The following VPS41 variants were observed in gnomAD, a reference collection of about 807,000 sequenced individuals.
The protein encoded by VPS41 is VPS41 subunit of HOPS complex.
VPS41 carries 85 observed loss-of-function variants against 130.9 expected under a neutral mutation model. That is an observed-to-expected ratio of 0.65 (90% CI 0.55 to 0.78). The LOEUF is 0.78. Among genes scored for constraint, VPS41 ranks in the 30% least tolerant of loss-of-function variants. VPS41 has a pLI of 0.00. For missense variants in VPS41, 874 were observed against 1,018.7 expected (o/e 0.86, Z 1.93); for synonymous variants, 335 against 332.9 (o/e 1.01, Z -0.07).
At position 38,724,604 on chromosome 7, in the gene VPS41, C is replaced by CTTTTTTTTTT. The variant is rs368369559; in HGVS notation, c.*1641_*1642insAAAAAAAAAA. ...CCTATGATTTCTTTTCTTTTCTTTT[C>CTTTTTTTTTT]TTTTTTGAGACGGAGTTTTGCTCTT... On this transcript the variant is annotated 3_prime_UTR_variant, in exon 29 of 29. Coordinates refer to ENST00000310301, the MANE Select transcript of VPS41 (RefSeq NM_014396.4). 6 of 148,462 alleles carry CTTTTTTTTTT rather than the reference C, an allele frequency of 4.0e-5. No individual in the cohort carries two copies. The highest frequency in any genetic ancestry group is 2.2e-4 in the South Asian group (1 of 4,518). The allele number at this position is 148,462 out of a possible 1,614,324, so 9.2% of individuals were successfully genotyped here.
At chr7:38,903,917 C>T (rs2116459487) in intron 1 of VPS41, among the ~76,000 whole-genome samples, 1 of 152,146 alleles carries the variant, frequency 6.6e-6, no homozygotes, top group East Asian at 1.9e-4. Flanking sequence ...TGACGTGTGC[C>T]CCAGCGTGGA....
intron 10 of VPS41, among the ~76,000 whole-genome samples, chr7:38,783,157 T>A (rs1784383724): frequency 6.6e-6 from 1 of 151,968 alleles, no homozygotes; most frequent in South Asian, 2.1e-4. Context: ...TAACTGAGTA[T>A]CAATTACACG....
At chr7:38,825,171 C>T (rs1785246294) in intron 5 of VPS41, among the ~76,000 whole-genome samples, 1 of 152,172 alleles carries the variant, frequency 6.6e-6, no homozygotes, top group Non-Finnish European at 1.5e-5. Flanking sequence ...GGAGTAACTG[C>T]TGAAGGTGGC....
chr7:38,804,444 C>T (rs1264208968), intron 7 of VPS41, among the ~76,000 whole-genome samples: 3 of 152,098 alleles, frequency 2.0e-5, no homozygotes, highest in East Asian at 1.9e-4. Flanking sequence ...TTTGGTTTTC[C>T]GTTCCTGCAT....
chr7:38,729,142 G>T (rs914273175), intron 25 of VPS41, among the ~76,000 whole-genome samples: 4 of 152,086 alleles, frequency 2.6e-5, no homozygotes, highest in African/African-American at 9.7e-5. Context: ...GATCCTCTTG[G>T]GCAGACTTTG....
At chr7:38,734,524 T>C (rs1014092933) in intron 25 of VPS41, among the ~76,000 whole-genome samples, 1 of 152,214 alleles carries the variant, frequency 6.6e-6, no homozygotes, top group South Asian at 2.1e-4. Context: ...ACATGAGAAC[T>C]TAGATTTGCC....
Position 38,763,466 on chromosome 7 carries a change from T to A in VPS41, c.1411A>T (p.Ser471Cys). The A allele has an allele frequency of 6.2e-7, 1 of 1,601,092 alleles. No homozygotes were observed. Among genetic ancestry groups the A allele is most frequent in the Admixed American group, 1.7e-5 (1 of 57,384 alleles). ...TCAGAACACCATACCTCATAATCAC[T>A]CTCCAAAAATTCATGTAAGATCATT... ...YEMILHEFLE[S>C]DYEGFATLIR... The change falls in exon 17 of 29, where the codon AGT becomes TGT. Residue 471 changes from serine (S) to cysteine (C), a missense_variant. Transcript: ENST00000310301.
intron 2 of VPS41, among the ~76,000 whole-genome samples, chr7:38,872,375 C>T (rs1008247363): frequency 6.6e-6 from 1 of 152,110 alleles, no homozygotes; most frequent in African/African-American, 2.4e-5. Context: ...TTCAGTCATA[C>T]GGGTCAGTCA....
At chr7:38,778,942 TTCC>T (rs1356904625) in intron 10 of VPS41, among the ~76,000 whole-genome samples, 1 of 152,142 alleles carries the variant, frequency 6.6e-6, no homozygotes, top group African/African-American at 2.4e-5. Context: ...ACCCAAATCT[TTCC>T]TCCTCTACAT....
intron 2 of VPS41, among the ~76,000 whole-genome samples, chr7:38,878,222 AT>A (rs1786530852): frequency 6.6e-6 from 1 of 152,204 alleles, no homozygotes; most frequent in South Asian, 2.1e-4. Flanking sequence ...AGAAAAAAAA[AT>A]AGTAAGTCCA....
chr7:38,894,889 C>A (rs577142303), intron 2 of VPS41, among the ~76,000 whole-genome samples: 1 of 152,348 alleles, frequency 6.6e-6, no homozygotes, highest in East Asian at 1.9e-4. Context: ...AATCAAGCCA[C>A]ATTTGGGTCT....
chr7:38,890,299 A>T (rs1786832605), intron 2 of VPS41, among the ~76,000 whole-genome samples: 1 of 152,228 alleles, frequency 6.6e-6, no homozygotes, highest in Non-Finnish European at 1.5e-5. Context: ...TACGCTCTAT[A>T]TGGTTCTATG....
chr7:38,747,969 G>C (rs890133962), intron 22 of VPS41, among the ~76,000 whole-genome samples: 1 of 152,220 alleles, frequency 6.6e-6, no homozygotes, highest in East Asian at 1.9e-4. Flanking sequence ...CAAGTTCAAA[G>C]ATAATTTGAG....
intron 2 of VPS41, among the ~76,000 whole-genome samples, chr7:38,876,118 T>A (rs1170167061): frequency 6.6e-6 from 1 of 152,136 alleles, no homozygotes; most frequent in Non-Finnish European, 1.5e-5. Flanking sequence ...GCTACTGACA[T>A]CTAGCAGGTA....
At chr7:38,822,361 C>T (rs1785188492) in intron 5 of VPS41, among the ~76,000 whole-genome samples, 1 of 152,212 alleles carries the variant, frequency 6.6e-6, no homozygotes, top group Non-Finnish European at 1.5e-5. Flanking sequence ...CAACTAATCA[C>T]TACCCTCAAA....
chr7:38,741,534 C>G (rs1460359279), intron 25 of VPS41, among the ~76,000 whole-genome samples: 1 of 152,140 alleles, frequency 6.6e-6, no homozygotes, highest in African/African-American at 2.4e-5. Flanking sequence ...TTTCAGGCAA[C>G]AGACTACTGA....
chr7:38,832,148 A>G (rs1044421691), intron 4 of VPS41, among the ~76,000 whole-genome samples: 4 of 151,728 alleles, frequency 2.6e-5, no homozygotes, highest in Non-Finnish European at 5.9e-5. Context: ...ATTTTTTTCT[A>G]TTAACATGTT....
intron 6 of VPS41, among the ~76,000 whole-genome samples, chr7:38,820,585 T>C (rs1785150839): frequency 6.6e-6 from 1 of 152,240 alleles, no homozygotes; most frequent in South Asian, 2.1e-4. Flanking sequence ...TAGTAATTTC[T>C]AGTTATCTAC....
At chr7:38,870,630 C>T (rs10279181) in intron 2 of VPS41, among the ~76,000 whole-genome samples, 38,969 of 149,710 alleles carry the variant, frequency 0.26, 6,402 homozygotes, top group Non-Finnish European at 0.38. Context: ...TGCCATAAGA[C>T]GGGACCAAAT....
Sources: allele counts gnomAD v4.1 joint callset (sites outside exome capture counted in the v4.1 genomes callset), GRCh38; gene constraint gnomAD v4.1.1; transcripts MANE v1.5; gene names NCBI Gene and HGNC (gene_info 2026-07-23, HGNC 2026-07-21).